The following PIP5K1B variants were observed in gnomAD, a reference collection of about 807,000 sequenced individuals.
The protein encoded by PIP5K1B is phosphatidylinositol-4-phosphate 5-kinase type 1 beta, also known as phosphatidylinositol 4-phosphate 5-kinase type-1 beta.
A neutral mutation model predicts 67.0 loss-of-function variants in PIP5K1B; 42 were observed. That is an observed-to-expected ratio of 0.63 (90% confidence interval 0.49 to 0.81). The LOEUF (loss-of-function observed/expected upper bound fraction) is 0.81, where lower values mean the gene tolerates loss of function less well. PIP5K1B is among the 30% of genes least tolerant of loss of function. The pLI is 0.00. For synonymous variants in PIP5K1B, 214 were observed against 231.4 expected (o/e 0.92, Z 0.68); for missense variants, 459 against 646.3 (o/e 0.71, Z 3.14).
Position 68,940,587 on chromosome 9 carries a change from A to T in PIP5K1B, c.1358-59A>T. The T allele has an allele frequency of 4.6e-6, 7 of 1,507,148 alleles. No individual in the cohort carries two copies. The South Asian group carries it at 8.4e-5, about 18-fold the overall frequency. 93.4% of individuals were successfully genotyped at this position (1,507,148 alleles called of 1,614,324 possible). A position where few individuals can be genotyped will look rare whatever the true frequency, so the allele number is the denominator to read the frequency against. On this transcript the variant is annotated intron_variant, in intron 13 of 15. Transcript: ENST00000265382. The stretch of plus-strand genomic sequence containing the variant: ...TTTTGACTCATTTCAATTATTATAG[A>T]TACTAAAGCTGCATTTATCCTTGAG...
rs543531540 is a variant in PIP5K1B, at chr9:68,874,060, A to G, written c.201-2617A>G. 5.9e-5 allele frequency among the ~76,000 whole-genome samples: 9 copies of G among 152,350 alleles called. 1 individual carries two copies. The South Asian group carries it at 1.7e-3, about 28-fold the overall frequency. On this transcript the variant is annotated intron_variant, in intron 5 of 15. Coordinates refer to ENST00000265382, the MANE Select transcript of PIP5K1B (RefSeq NM_003558.4). ...CCATTCACGCAAATACAGAGGTTCA[A>G]GAGTGTGTAACCTCAGCAATTAATT...
At chr9:68,769,159 G>T (rs1830568480) in intron 2 of PIP5K1B, among the ~76,000 whole-genome samples, 1 of 152,196 alleles carries the variant, frequency 6.6e-6, no homozygotes, top group Non-Finnish European at 1.5e-5. Context: ...GGCTATCTTT[G>T]TGGGGAACTG....
At chr9:68,772,184 T>C (rs990233223) in intron 2 of PIP5K1B, among the ~76,000 whole-genome samples, 1 of 152,198 alleles carries the variant, frequency 6.6e-6, no homozygotes, top group Non-Finnish European at 1.5e-5. Flanking sequence ...CAAACTTCTT[T>C]TGAACATTTG....
chr9:68,875,164 A>G (rs2132311245), intron 5 of PIP5K1B, among the ~76,000 whole-genome samples: 1 of 152,070 alleles, frequency 6.6e-6, no homozygotes, highest in East Asian at 1.9e-4. Flanking sequence ...AGGCAGTCTT[A>G]GTCCCTGTGT....
chr9:68,969,635 T>C (rs1829248681), intron 14 of PIP5K1B, among the ~76,000 whole-genome samples: 1 of 152,160 alleles, frequency 6.6e-6, no homozygotes. Context: ...GCCCAGAGTC[T>C]AGGACCACCC....
At position 69,008,663 on chromosome 9, in the gene PIP5K1B, T is replaced by G; in HGVS notation, c.*214T>G. 1 of 578,488 alleles carries G rather than the reference T, an allele frequency of 1.7e-6. No individual in the cohort carries two copies. 35.8% of individuals were successfully genotyped at this position (578,488 alleles called of 1,614,324 possible). ...ACTACCCTATTCTATCATTTGCTGTTGCTTGCTGAACTGTGAAGAACTGCA... is the reference window on the plus strand; with the variant it reads ...ACTACCCTATTCTATCATTTGCTGTGGCTTGCTGAACTGTGAAGAACTGCA... On this transcript the variant is annotated 3_prime_UTR_variant, in exon 16 of 16. Transcript: ENST00000265382.
chr9:68,723,201 A>T (rs1389811187), intron 1 of PIP5K1B, among the ~76,000 whole-genome samples: 6 of 90,430 alleles, frequency 6.6e-5, no homozygotes, highest in Admixed American at 1.1e-4. Context: ...AGAGAGAGGG[A>T]GAGAGAGAGA....
intron 14 of PIP5K1B, among the ~76,000 whole-genome samples, chr9:68,970,675 T>A (rs1364064819): frequency 6.6e-6 from 1 of 152,210 alleles, no homozygotes; most frequent in Non-Finnish European, 1.5e-5. Context: ...TCAAAAATCA[T>A]GTTCATTTAA....
intron 14 of PIP5K1B, among the ~76,000 whole-genome samples, chr9:68,948,487 A>G (rs1416436880): frequency 3.3e-5 from 5 of 152,158 alleles, no homozygotes; most frequent in African/African-American, 1.2e-4. Flanking sequence ...AGCAACAACA[A>G]CAAAAAACAC....
At chr9:68,865,595 T>C (rs943135565) in intron 5 of PIP5K1B, among the ~76,000 whole-genome samples, 1 of 152,206 alleles carries the variant, frequency 6.6e-6, no homozygotes, top group African/African-American at 2.4e-5. Flanking sequence ...AGACGTTCCA[T>C]GTGCTCCCCC....
At position 68,917,490 on chromosome 9, in the gene PIP5K1B, T is replaced by C. The variant is rs1229564313; in HGVS notation, c.772-58T>C. On this transcript the variant is annotated intron_variant, in intron 8 of 15. Coordinates refer to ENST00000265382, the MANE Select transcript of PIP5K1B (RefSeq NM_003558.4). ...ATATCTAGAGCTCTCTGATAATGAG[T>C]AGATGAGACGAACAGGCCTTTGGGT... 5.1e-6 allele frequency: 6 copies of C among 1,180,886 alleles called. No individual in the cohort carries two copies. The East Asian group carries it at 1.4e-4, about 27-fold the overall frequency. The allele number at this position is 1,180,886 out of a possible 1,614,324, so 73.2% of individuals were successfully genotyped here.
At chr9:68,825,236 G>A (rs181875023) in intron 4 of PIP5K1B, among the ~76,000 whole-genome samples, 15 of 152,292 alleles carry the variant, frequency 9.8e-5, no homozygotes, top group Non-Finnish European at 1.8e-4. Flanking sequence ...ATTTAAAGGT[G>A]TCTAAAAGAT....
intron 14 of PIP5K1B, among the ~76,000 whole-genome samples, chr9:68,952,842 CCTTT>C (rs941304768): frequency 3.3e-5 from 5 of 149,346 alleles, no homozygotes; most frequent in Admixed American, 6.7e-5. Flanking sequence ...TTCCTTCCTT[CCTTT>C]CTTCCTTCCT....
At chr9:68,801,319 A>AT (rs968335559) in intron 2 of PIP5K1B, among the ~76,000 whole-genome samples, 263 of 150,240 alleles carry the variant, frequency 1.8e-3, no homozygotes, top group African/African-American at 5.5e-3. Flanking sequence ...AAAAGGGCAC[A>AT]TTTTTTTTTT....
rs187518535 is a variant in PIP5K1B at position 68,813,386 on chromosome 9, A to G, written c.-85-5075A>G. Among the ~76,000 whole-genome samples, 39 of 152,378 alleles carry G rather than the reference A, an allele frequency of 2.6e-4. No homozygotes were observed. The East Asian group carries it at 6.4e-3, about 25-fold the overall frequency. On this transcript the variant is annotated intron_variant, in intron 2 of 15. Coordinates refer to ENST00000265382, the MANE Select transcript of PIP5K1B (RefSeq NM_003558.4). ...ACTATGAGGAGATATTTAGTAGCTTAGAGTGGAGCAGGCAATGAAAGAGTA... is the reference window on the plus strand; with the variant it reads ...ACTATGAGGAGATATTTAGTAGCTTGGAGTGGAGCAGGCAATGAAAGAGTA...
At chr9:68,949,251 C>A (rs1396753267) in intron 14 of PIP5K1B, among the ~76,000 whole-genome samples, 1 of 152,210 alleles carries the variant, frequency 6.6e-6, no homozygotes, top group Non-Finnish European at 1.5e-5. Flanking sequence ...CTCTTCAATT[C>A]TCTGCCCTCC....
intron 14 of PIP5K1B, among the ~76,000 whole-genome samples, chr9:68,942,038 TA>T: frequency 6.6e-6 from 1 of 152,328 alleles, no homozygotes; most frequent in South Asian, 2.1e-4. Flanking sequence ...AAGGCTCTAT[TA>T]AAAATTATTT....
At chr9:68,994,037 A>ATTTTTTTTT (rs67700788) in intron 15 of PIP5K1B, among the ~76,000 whole-genome samples, 10 of 118,582 alleles carry the variant, frequency 8.4e-5, no homozygotes, top group Non-Finnish European at 1.5e-4. Flanking sequence ...TTTTTCCTGA[A>ATTTTTTTTT]TTTTTTTTTT....
At chr9:68,812,048 G>C (rs564096560) in intron 2 of PIP5K1B, among the ~76,000 whole-genome samples, 188 of 152,308 alleles carry the variant, frequency 1.2e-3, no homozygotes, top group African/African-American at 4.2e-3. Flanking sequence ...CTGAGATGGA[G>C]GTGCGTGGGG....
Sources: allele counts gnomAD v4.1 joint callset (sites outside exome capture counted in the v4.1 genomes callset), GRCh38; gene constraint gnomAD v4.1.1; transcripts MANE v1.5; gene names NCBI Gene and HGNC (gene_info 2026-07-23, HGNC 2026-07-21).